The following GMCL1 variants were observed in gnomAD, a reference collection of about 807,000 sequenced individuals.
GMCL1 encodes germ cell-less 1, spermatogenesis associated.
A neutral mutation model predicts 75.5 loss-of-function variants in GMCL1; 54 were observed. The ratio of observed to expected loss-of-function variants is 0.71; its 90% CI spans 0.57 to 0.90. The LOEUF (loss-of-function observed/expected upper bound fraction) is 0.90, where lower values mean the gene tolerates loss of function less well. Ranked by LOEUF, GMCL1 falls within the 40% of genes least tolerant of loss-of-function variation. GMCL1 has a pLI of 0.00. For synonymous variants in GMCL1, 210 were observed against 209.6 expected (o/e 1.00, Z -0.02); for missense variants, 537 against 622.7 (o/e 0.86, Z 1.47).
Position 69,854,946 on chromosome 2 carries a change from C to A in GMCL1, c.1058C>A (p.Ala353Asp). The change falls in exon 9 of 14, where the codon GCT (alanine) becomes GAT (aspartate). Residue 353 changes from alanine (A) to aspartate (D), a missense_variant. By Grantham distance (126) the Ala-to-Asp change is moderately radical (BLOSUM62 -2). Coordinates refer to ENST00000282570, the MANE Select transcript of GMCL1 (RefSeq NM_178439.5). Reference protein sequence around the residue: ...LASARIIEQDAVVPSEWLSSV... With the variant: ...LASARIIEQDDVVPSEWLSSV... Reference sequence around the variant, plus strand: ...TCTGCAAGAATTATTGAACAAGATGCTGTAGTACCTTCAGGTAAGAGAACA... The same window carrying A: ...TCTGCAAGAATTATTGAACAAGATGATGTAGTACCTTCAGGTAAGAGAACA... 2 of 1,603,256 alleles carry A rather than the reference C, an allele frequency of 1.2e-6. No homozygotes were observed. Among genetic ancestry groups the A allele is most frequent in the Non-Finnish European group, 1.7e-6 (2 of 1,174,010 alleles).
At chr2:69,876,140 C>T (rs994250065) in intron 13 of GMCL1, among the ~76,000 whole-genome samples, 4 of 151,978 alleles carry the variant, frequency 2.6e-5, no homozygotes, top group East Asian at 1.9e-4. Flanking sequence ...TAGAAGGTTC[C>T]GTCAGACAGC....
rs1031027129 is a variant in GMCL1, at chr2:69,880,484, C to T, written c.*1480C>T. On this transcript the variant is annotated 3_prime_UTR_variant, in exon 14 of 14. Coordinates refer to ENST00000282570, the MANE Select transcript of GMCL1 (RefSeq NM_178439.5). The stretch of plus-strand genomic sequence containing the variant: ...ACCTTTTAAATGCCTCACCCTTGAC[C>T]CTCAGAGCTGGAATTTAAATGTTTC... The T allele has an allele frequency of 6.6e-6, 1 of 152,046 alleles. No homozygotes were observed. The highest frequency in any genetic ancestry group is 1.5e-5 in the Non-Finnish European group (1 of 68,026). 9.4% of individuals were successfully genotyped at this position (152,046 alleles called of 1,614,324 possible).
chr2:69,871,159 G>T (rs1486495921), intron 12 of GMCL1, among the ~76,000 whole-genome samples: 1 of 147,942 alleles, frequency 6.8e-6, no homozygotes, highest in Non-Finnish European at 1.5e-5. Context: ...ACAAAATGTG[G>T]TATATACATA....
At chr2:69,831,682 A>G (rs1298238102) in intron 1 of GMCL1, among the ~76,000 whole-genome samples, 2 of 150,926 alleles carry the variant, frequency 1.3e-5, no homozygotes, top group East Asian at 1.9e-4. Context: ...ATCATGACTC[A>G]CTCTACCTCG....
intron 8 of GMCL1, among the ~76,000 whole-genome samples, chr2:69,852,893 A>G (rs895064304): frequency 2.0e-5 from 3 of 152,198 alleles, no homozygotes; most frequent in Non-Finnish European, 2.9e-5. Context: ...TTTCAGATCT[A>G]TATGGATCAG....
chr2:69,844,630 A>G (rs1479899389), intron 6 of GMCL1: 1 of 154,096 alleles, frequency 6.5e-6, no homozygotes, highest in African/African-American at 2.4e-5. Context: ...TGGAGTAACA[A>G]ATGTGTGTCT....
intron 1 of GMCL1, among the ~76,000 whole-genome samples, chr2:69,833,960 A>G (rs1159242112): frequency 6.6e-6 from 1 of 152,252 alleles, no homozygotes; most frequent in African/African-American, 2.4e-5. Context: ...ATTATAAATC[A>G]TACTTGATGG....
intron 5 of GMCL1, 58 bp downstream of exon 5, chr2:69,843,319 G>T (rs1207750168): frequency 6.9e-6 from 6 of 875,754 alleles, no homozygotes; most frequent in Non-Finnish European, 7.6e-6. Flanking sequence ...GGTTGCTTTA[G>T]TTTCTTAAGA....
At chr2:69,846,336 AAAT>A (rs1675144103) in intron 6 of GMCL1, among the ~76,000 whole-genome samples, 1 of 152,236 alleles carries the variant, frequency 6.6e-6, no homozygotes, top group Admixed American at 6.5e-5. Flanking sequence ...AAACTATAAA[AAAT>A]AATAACAAAA....
At position 69,843,208 on chromosome 2, in the gene GMCL1, A is replaced by T; in HGVS notation, c.639A>T (p.Val213=). Residue 213 remains valine (V), a synonymous_variant, in exon 5 of 14, where the codon GTA becomes GTT. Transcript: ENST00000282570. ...TMKETVNVKT[V]CGYYTSAGTY... is the part of the protein sequence containing the mutation. Reference sequence around the variant, plus strand: ...AGGAAACAGTTAATGTGAAAACTGTATGTGGCTATTACACATCAGCAGGGA... The same window carrying T: ...AGGAAACAGTTAATGTGAAAACTGTTTGTGGCTATTACACATCAGCAGGGA... The T allele has an allele frequency of 2.5e-6, 4 of 1,612,192 alleles. No individual in the cohort carries two copies. Among genetic ancestry groups the T allele is most frequent in the Non-Finnish European group, 3.4e-6 (4 of 1,178,348 alleles).
rs370633693 is a variant in GMCL1, at chr2:69,841,052, G to A, written c.579+13G>A. 5.1e-6 allele frequency: 8 copies of A among 1,580,296 alleles called. No individual in the cohort carries two copies. The highest frequency in any genetic ancestry group is 2.2e-5 in the East Asian group (1 of 44,738). On this transcript the variant is annotated intron_variant, in intron 4 of 13. Coordinates refer to ENST00000282570, the MANE Select transcript of GMCL1 (RefSeq NM_178439.5). ...TTTGCTGCAGTTGGTAAGTATGCAC[G>A]TTATTCGAAGAAAGGTTCAGAATAA... is the stretch of plus-strand genomic sequence containing the variant.
At chr2:69,877,688 G>A (rs973323046) in intron 13 of GMCL1, among the ~76,000 whole-genome samples, 2 of 127,688 alleles carry the variant, frequency 1.6e-5, no homozygotes, top group African/African-American at 6.3e-5. Flanking sequence ...CCCTCGTACA[G>A]AGAGAGAGAT....
At position 69,869,783 on chromosome 2, in the gene GMCL1, A is replaced by C; in HGVS notation, c.1283A>C (p.Tyr428Ser). 6.2e-7 allele frequency: 1 copy of C among 1,614,044 alleles called. No individual in the cohort carries two copies. The highest frequency in any genetic ancestry group is 1.1e-5 in the South Asian group (1 of 91,076). Residue 428 changes from tyrosine to serine, a missense_variant, in exon 12 of 14, where the codon TAC (tyrosine) becomes TCC (serine). By Grantham distance (144) the Tyr-to-Ser change is moderately radical. Transcript: ENST00000282570. ...CTACTTGTAACTTACACCAATCGAT[A>C]CATCATTTTCAAACGCAATACACTG... The part of the protein sequence containing the change: ...FDLLVTYTNR[Y>S]IIFKRNTLNQ...
chr2:69,854,048 C>G (rs1409527459), intron 8 of GMCL1, among the ~76,000 whole-genome samples: 1 of 151,976 alleles, frequency 6.6e-6, no homozygotes, highest in Non-Finnish European at 1.5e-5. Flanking sequence ...CGTGATCCAC[C>G]CTCCTCGGCC....
chr2:69,871,403 G>A (rs536791908), intron 12 of GMCL1, among the ~76,000 whole-genome samples: 3 of 152,290 alleles, frequency 2.0e-5, no homozygotes, highest in African/African-American at 7.2e-5. Context: ...TGGGTAAGGA[G>A]CTTCAGCGAG....
At position 69,859,811 on chromosome 2, in the gene GMCL1, G is replaced by A. The variant is rs556062632; in HGVS notation, c.1073-1467G>A. Among the ~76,000 whole-genome samples, 220 of 147,946 alleles carry A rather than the reference G, an allele frequency of 1.5e-3. 1 individual carries two copies. The highest frequency in any genetic ancestry group is 5.1e-3 in the African/African-American group (205 of 39,906). On this transcript the variant is annotated intron_variant, in intron 9 of 13. Transcript: ENST00000282570. ...CACCAGTAAATCATTGGAAGTCACC[G>A]GATTACTTTTATTAAGTAGAGACCT...
intron 6 of GMCL1, among the ~76,000 whole-genome samples, chr2:69,846,921 T>A (rs1406181581): frequency 6.6e-6 from 1 of 151,926 alleles, no homozygotes; most frequent in African/African-American, 2.4e-5. Flanking sequence ...CTCCACCTCT[T>A]GGGCTCAAGC....
At chr2:69,834,603 T>G (rs1233206110) in intron 1 of GMCL1, among the ~76,000 whole-genome samples, 1 of 152,196 alleles carries the variant, frequency 6.6e-6, no homozygotes, top group Non-Finnish European at 1.5e-5. Flanking sequence ...TCTGGTGTAA[T>G]TCTCTTTTCA....
intron 10 of GMCL1, among the ~76,000 whole-genome samples, chr2:69,862,673 C>G (rs1029329985): frequency 6.6e-6 from 1 of 151,892 alleles, no homozygotes; most frequent in Non-Finnish European, 1.5e-5. Context: ...GCAGGAGAAT[C>G]GCTTGAACCC....
Sources: allele counts gnomAD v4.1 joint callset (sites outside exome capture counted in the v4.1 genomes callset), GRCh38; gene constraint gnomAD v4.1.1; transcripts MANE v1.5; gene names NCBI Gene and HGNC (gene_info 2026-07-23, HGNC 2026-07-21).